MASP1: variants seen among roughly 807,000 people sequenced by gnomAD.
MASP1 encodes mannan-binding lectin serine protease 1.
MASP1 carries 59 observed loss-of-function variants against 77.1 expected under a neutral mutation model. The observed-to-expected ratio is 0.77, with a 90% CI of 0.62 to 0.95. MASP1 has a LOEUF of 0.95. Ranked by LOEUF, MASP1 falls within the 40% of genes least tolerant of loss-of-function variation. The pLI is 0.00. For missense variants in MASP1, 885 were observed against 912.9 expected, an observed-to-expected ratio of 0.97 and a Z score of 0.39; for synonymous variants, 362 against 354.5, an observed-to-expected ratio of 1.02 and a Z score of -0.24.
rs1347921928 is a variant in MASP1, at chr3:187,225,349, A to G, written c.1716T>C (p.Cys572=). 1.9e-6 allele frequency: 3 copies of G among 1,613,402 alleles called. No homozygotes were observed. In the African/African-American group the frequency reaches 4.0e-5, roughly 22 times the overall value. Residue 572 remains cysteine, a synonymous_variant, in exon 13 of 16, where the codon TGT becomes TGC. Coordinates refer to the MASP1 transcript ENST00000337774. Reference sequence around the variant, plus strand: ...CTTCCTGCTGGGGTCCCTCAGGCAGACAGATGGGCATCACGAAGGCATTCA... The same window carrying G: ...CTTCCTGCTGGGGTCCCTCAGGCAGGCAGATGGGCATCACGAAGGCATTCA...
chr3:187,291,543 C>A, intron 1 of MASP1, 85 bp downstream of exon 1: 1 of 1,547,548 alleles, frequency 6.5e-7, no homozygotes, highest in South Asian at 1.1e-5. Context: ...GCAGGTGAGT[C>A]TGTCAGTGAC....
chr3:187,232,978 T>A (rs1712862381), downstream of MASP1, among the ~76,000 whole-genome samples: 1 of 152,212 alleles, frequency 6.6e-6, no homozygotes, highest in Non-Finnish European at 1.5e-5. Flanking sequence ...CCACTCATGC[T>A]TGAACTTATC....
chr3:187,238,250 G>A (rs896011718), intron 10 of MASP1, among the ~76,000 whole-genome samples: 1 of 152,250 alleles, frequency 6.6e-6, no homozygotes, highest in Non-Finnish European at 1.5e-5. Context: ...GATCTGGAGA[G>A]ACCTTGGAGA....
intron 1 of MASP1, among the ~76,000 whole-genome samples, chr3:187,288,209 T>G (rs1201365414): frequency 6.6e-6 from 1 of 152,218 alleles, no homozygotes; most frequent in Non-Finnish European, 1.5e-5. Flanking sequence ...CAATATTTTC[T>G]TAAACCAATC....
chr3:187,244,051 C>T (rs1713878363), intron 8 of MASP1: 1 of 237,046 alleles, frequency 4.2e-6, no homozygotes, highest in African/African-American at 2.2e-5. Context: ...ATCTTTTGTT[C>T]TTCTAGTCCC....
chr3:187,226,746 C>A (rs1017994022), intron 11 of MASP1, among the ~76,000 whole-genome samples: 2 of 152,188 alleles, frequency 1.3e-5, no homozygotes, highest in East Asian at 3.8e-4. Context: ...CCAACCAAGG[C>A]CAGGACTGAA....
Position 187,285,707 on chromosome 3 carries a change from A to G in MASP1, c.237+118T>C, listed in dbSNP as rs698105. ...TTCCACCTTGACCTGAATTCATACC[A>G]TTGTGATGTTGTGTGTCTCTCTTAC... is the stretch of plus-strand genomic sequence containing the variant. On this transcript the variant is annotated intron_variant, in intron 2 of 10. Coordinates refer to ENST00000296280, the MANE Select transcript of MASP1 (RefSeq NM_139125.4). The G allele has an allele frequency of 0.83, 671,686 of 813,492 alleles. 280,120 individuals carry two copies. The highest frequency in any genetic ancestry group is 0.9 in the East Asian group (34,424 of 38,326). 50.4% of individuals were successfully genotyped at this position (813,492 alleles called of 1,614,324 possible). A position where few individuals can be genotyped will look rare whatever the true frequency, so the allele number is the denominator to read the frequency against.
In MASP1 at chr3:187,235,062, G is replaced by A. The variant is rs1324976843; in HGVS notation, c.*622C>T. 1.6e-6 allele frequency: 2 copies of A among 1,287,256 alleles called. No individual in the cohort carries two copies. The highest frequency in any genetic ancestry group is 2.0e-6 in the Non-Finnish European group (2 of 988,718). The allele number at this position is 1,287,256 out of a possible 1,614,324, so 79.7% of individuals were successfully genotyped here. A position where few individuals can be genotyped will look rare whatever the true frequency, so the allele number is the denominator to read the frequency against. On this transcript the variant is annotated 3_prime_UTR_variant, in exon 11 of 11. Coordinates refer to ENST00000296280, the MANE Select transcript of MASP1 (RefSeq NM_139125.4). ...AAATTCCTTTAATGGGGAACATAAG[G>A]GATAAGGCTTAGACTGCAAGAAGCT...
rs1713837928 is a variant in MASP1, at chr3:187,243,606, G to T, written c.1106C>A (p.Ala369Asp). The change falls in exon 9 of 11, where the codon GCC becomes GAC. Residue 369 changes from alanine to aspartate, a missense_variant. Transcript: ENST00000296280. ...IPTCKIVDCR[A>D]PGELEHGLIT... ...CAGCCCGTGTTCCAGCTCTCCTGGG[G>T]CTCTACAGTCTACAACTGAGAGAGA... The T allele has an allele frequency of 6.2e-7, 1 of 1,614,184 alleles. No homozygotes were observed. The highest frequency in any genetic ancestry group is 8.5e-7 in the Non-Finnish European group (1 of 1,180,022).
intron 2 of MASP1, among the ~76,000 whole-genome samples, chr3:187,278,026 C>T (rs1307682361): frequency 2.0e-5 from 3 of 152,138 alleles, no homozygotes; most frequent in Non-Finnish European, 4.4e-5. Context: ...TTACTCATAC[C>T]ATTGCCTTCA....
intron 2 of MASP1, among the ~76,000 whole-genome samples, chr3:187,275,523 C>T (rs747509941): frequency 6.6e-6 from 1 of 152,160 alleles, no homozygotes; most frequent in Non-Finnish European, 1.5e-5. Context: ...GCAGCTCACA[C>T]CAGTTTATAA....
intron 8 of MASP1, chr3:187,246,234 C>T (rs1714070656): frequency 3.3e-6 from 1 of 303,746 alleles, no homozygotes; most frequent in African/African-American, 2.3e-5. Context: ...ACTCATGTTT[C>T]TTTGATGGAA....
chr3:187,277,153 C>T (rs546446035), intron 2 of MASP1, among the ~76,000 whole-genome samples: 1 of 152,288 alleles, frequency 6.6e-6, no homozygotes, highest in South Asian at 2.1e-4. Context: ...AAACTGAGGC[C>T]TTGAATGAAG....
At chr3:187,279,701 C>T (rs1477746817) in intron 2 of MASP1, among the ~76,000 whole-genome samples, 1 of 152,176 alleles carries the variant, frequency 6.6e-6, no homozygotes, top group East Asian at 1.9e-4. Context: ...CTTCAACCTC[C>T]CTGCTTTGAT....
rs757488784 is a variant in MASP1 at position 187,256,689 on chromosome 3, A to G, written c.719T>C (p.Val240Ala). Residue 240 changes from valine to alanine, a missense_variant, in exon 5 of 11, where the codon GTG becomes GCG. Transcript: ENST00000296280. ...CTTGATGTAGTCATAGGGGCAGGGC[A>G]CCTCAGGATGGTCCTCAATGTCAAA... ...DIFDIEDHPE[V>A]PCPYDYIKIK... 1.9e-6 allele frequency: 3 copies of G among 1,613,990 alleles called. No homozygotes were observed.
downstream of MASP1, among the ~76,000 whole-genome samples, chr3:187,233,783 G>A (rs1712910420): frequency 6.6e-6 from 1 of 152,196 alleles, no homozygotes; most frequent in South Asian, 2.1e-4. Flanking sequence ...GACTAGAGAT[G>A]CCCTAGCCAG....
At chr3:187,288,088 T>G (rs1309385702) in intron 1 of MASP1, among the ~76,000 whole-genome samples, 1 of 152,230 alleles carries the variant, frequency 6.6e-6, no homozygotes, top group African/African-American at 2.4e-5. Context: ...CCATGTACTA[T>G]TTTTTCAATA....
rs137929458 is a variant in MASP1 at position 187,247,091 on chromosome 3, AT to A, written c.1090+3159del. The A allele has an allele frequency of 6.2e-5, 86 of 1,397,766 alleles. No homozygotes were observed. In the East Asian group the frequency reaches 8.1e-4, roughly 13 times the overall value. 86.6% of individuals were successfully genotyped at this position (1,397,766 alleles called of 1,614,324 possible). On this transcript the variant is annotated intron_variant, in intron 8 of 10. Coordinates refer to ENST00000296280, the MANE Select transcript of MASP1 (RefSeq NM_139125.4). ...TCAGAGGTGCTAAAATAAATCCCAC[AT>A]TTTTTTTTCATTATTTTCTGGAATA... is the stretch of plus-strand genomic sequence containing the variant.
intron 6 of MASP1, among the ~76,000 whole-genome samples, chr3:187,252,500 A>G (rs935485530): frequency 4.6e-5 from 7 of 152,188 alleles, no homozygotes; most frequent in African/African-American, 1.4e-4. Context: ...TCCTTTGTTA[A>G]GATCTTCTCT....
Sources: allele counts gnomAD v4.1 joint callset (sites outside exome capture counted in the v4.1 genomes callset), GRCh38; gene constraint gnomAD v4.1.1; transcripts MANE v1.5; gene names NCBI Gene and HGNC (gene_info 2026-07-23, HGNC 2026-07-21).